Variants in EXD2 observed in about 807,000 individuals in gnomAD.
EXD2 encodes exonuclease 3'-5' domain containing 2, also known as exonuclease 3'-5' domain-containing protein 2.
A neutral mutation model predicts 62.5 loss-of-function variants in EXD2; 40 were observed. The observed-to-expected ratio is 0.64, with a 90% CI of 0.50 to 0.83. EXD2 has a LOEUF of 0.83. Among genes scored for constraint, EXD2 ranks in the 40% least tolerant of loss-of-function variants. EXD2 has a pLI of 0.00. For missense variants in EXD2, 671 were observed against 761.8 expected (o/e 0.88, Z 1.40); for synonymous variants, 239 against 291.9 (o/e 0.82, Z 1.85).
Position 69,209,776 on chromosome 14 carries a change from T to C in EXD2, c.306T>C (p.Phe102=), listed in dbSNP as rs1388277223. 3 of 1,511,944 alleles carry C rather than the reference T, an allele frequency of 2.0e-6. No homozygotes were observed. Among genetic ancestry groups the C allele is most frequent in the Non-Finnish European group, 2.7e-6 (3 of 1,127,580 alleles). The allele number at this position is 1,511,944 out of a possible 1,614,324, so 93.7% of individuals were successfully genotyped here. ...TGCTTAGAAGTGAATTAGAAGATTT[T>C]CCAGTACTTGGAATTGACTGTGAGT... ...EPLLRSELED[F]PVLGIDCEWV... The change falls in exon 3 of 10, where the codon TTT becomes TTC. Residue 102 remains phenylalanine (F), a synonymous_variant. Transcript: ENST00000685843.
In EXD2 at chr14:69,209,643, A is replaced by G; in HGVS notation, c.173A>G (p.Asp58Gly). ...LGSRELPPPE[D>G]DQLHSSAPRS... ...AGTAGAGAGCTGCCCCCTCCAGAAG[A>G]TGATCAGCTGCACTCCAGTGCCCCC... The change falls in exon 3 of 10, where the codon GAT becomes GGT. Residue 58 changes from aspartate (D) to glycine (G), a missense_variant. Transcript: ENST00000685843. The G allele has an allele frequency of 1.9e-6, 3 of 1,550,538 alleles. No individual in the cohort carries two copies. Among genetic ancestry groups the G allele is most frequent in the Non-Finnish European group, 2.6e-6 (3 of 1,146,986 alleles).
At chr14:69,205,080 T>G (rs2042543377) in intron 2 of EXD2, among the ~76,000 whole-genome samples, 1 of 152,238 alleles carries the variant, frequency 6.6e-6, no homozygotes, top group Non-Finnish European at 1.5e-5. Flanking sequence ...GTGAATAGAT[T>G]TAATTTATCC....
intron 8 of EXD2, among the ~76,000 whole-genome samples, chr14:69,236,899 C>CA (rs1352267414): frequency 2.0e-5 from 3 of 152,194 alleles, no homozygotes; most frequent in African/African-American, 7.2e-5. Flanking sequence ...TGGTTTTATT[C>CA]ATGGAGTATC....
At chr14:69,212,492 G>C (rs2042841217) in intron 3 of EXD2, among the ~76,000 whole-genome samples, 1 of 151,156 alleles carries the variant, frequency 6.6e-6, no homozygotes, top group African/African-American at 2.4e-5. Flanking sequence ...ATGTTTATTC[G>C]ATTATTATTT....
rs1299694957 is a variant in EXD2, at chr14:69,241,808, A to T, written c.*708A>T. The T allele has an allele frequency of 7.5e-6, 3 of 398,920 alleles. No individual in the cohort carries two copies. The highest frequency in any genetic ancestry group is 1.3e-5 in the Non-Finnish European group (3 of 226,070). 24.7% of individuals were successfully genotyped at this position (398,920 alleles called of 1,614,324 possible). A position where few individuals can be genotyped will look rare whatever the true frequency, so the allele number is the denominator to read the frequency against. On this transcript the variant is annotated 3_prime_UTR_variant, in exon 10 of 10. Coordinates refer to ENST00000685843, the MANE Select transcript of EXD2 (RefSeq NM_001193360.2). ...ACCTGGGTGGGGCAGAAAGAACCACAAACTCCATCTCCCAATAGAACTTTG... is the reference window on the plus strand; with the variant it reads ...ACCTGGGTGGGGCAGAAAGAACCACTAACTCCATCTCCCAATAGAACTTTG...
intron 1 of EXD2, among the ~76,000 whole-genome samples, chr14:69,201,079 A>T (rs1473503965): frequency 6.6e-6 from 1 of 152,134 alleles, no homozygotes; most frequent in African/African-American, 2.4e-5. Flanking sequence ...CATCTCAAAA[A>T]AAAAAAATCA....
rs1399666697 is a variant in EXD2, at chr14:69,228,856, A to C, written c.374A>C (p.Gln125Pro). ...AAAGCCAGCCCTCTGTCACTTCTAC[A>C]AATGGCCTCCCCAAGTGGCCTGTGT... is the stretch of plus-strand genomic sequence containing the variant. Reference protein sequence around the residue: ...EGKASPLSLLQMASPSGLCVL... With the variant: ...EGKASPLSLLPMASPSGLCVL... The change falls in exon 4 of 10, where the codon CAA becomes CCA. Residue 125 changes from glutamine to proline, a missense_variant. Transcript: ENST00000685843. The C allele has an allele frequency of 6.2e-7, 1 of 1,614,026 alleles. No individual in the cohort carries two copies. The highest frequency in any genetic ancestry group is 1.1e-5 in the South Asian group (1 of 91,058).
intron 3 of EXD2, among the ~76,000 whole-genome samples, chr14:69,225,723 A>T (rs1208008257): frequency 1.3e-5 from 2 of 152,212 alleles, no homozygotes; most frequent in African/African-American, 4.8e-5. Context: ...ATGAGTAGTG[A>T]TGTCAGGGCA....
In EXD2 at chr14:69,240,872, A is replaced by T. The variant is rs1328839409; in HGVS notation, c.1650-12A>T. 6.2e-7 allele frequency: 1 copy of T among 1,609,114 alleles called. No homozygotes were observed. Among genetic ancestry groups the T allele is most frequent in the East Asian group, 2.2e-5 (1 of 44,730 alleles). ...GTTTCCCTCAGACACTTTGTTTTTC[A>T]TGTTTTGGCAGAATCTCCAATGAAA... On this transcript the variant is annotated splice_polypyrimidine_tract_variant and intron_variant, in intron 9 of 9. Transcript: ENST00000685843.
chr14:69,219,546 G>C (rs1181386255), intron 3 of EXD2, among the ~76,000 whole-genome samples: 1 of 152,126 alleles, frequency 6.6e-6, no homozygotes, highest in Non-Finnish European at 1.5e-5. Context: ...TTGAGTTTTT[G>C]AATCTAAGTG....
intron 5 of EXD2, among the ~76,000 whole-genome samples, 169 bp from the exon 6 acceptor site, chr14:69,234,531 A>C (rs2043700247): frequency 6.6e-6 from 1 of 152,230 alleles, no homozygotes; most frequent in Admixed American, 6.5e-5. Flanking sequence ...ACTTTTGTGT[A>C]GTTTGAAAAT....
At chr14:69,195,456 C>T (rs2042173541) in intron 1 of EXD2, among the ~76,000 whole-genome samples, 2 of 152,146 alleles carry the variant, frequency 1.3e-5, no homozygotes, top group Admixed American at 1.3e-4. Flanking sequence ...CTTGGCCTTC[C>T]AAAATGCTGG....
rs1320729506 is a variant in EXD2, at chr14:69,226,081, A to G, written c.334-2735A>G. Among the ~76,000 whole-genome samples the G allele has an allele frequency of 2.6e-5, 4 of 152,376 alleles. No homozygotes were observed. In the East Asian group the frequency reaches 7.7e-4, roughly 29 times the overall value. Reference sequence around the variant, plus strand: ...CAATGAGACCTGACTGTAAAGAGGTACAAATATTGAACCTTAGGAATTTGT... The same window carrying G: ...CAATGAGACCTGACTGTAAAGAGGTGCAAATATTGAACCTTAGGAATTTGT... On this transcript the variant is annotated intron_variant, in intron 3 of 9. Coordinates refer to ENST00000685843, the MANE Select transcript of EXD2 (RefSeq NM_001193360.2).
chr14:69,225,090 C>G (rs1276245161), intron 3 of EXD2, among the ~76,000 whole-genome samples: 1 of 152,236 alleles, frequency 6.6e-6, no homozygotes, highest in Non-Finnish European at 1.5e-5. Flanking sequence ...TTTCATCCTA[C>G]TCTTATCGGC....
Position 69,236,142 on chromosome 14 carries a change from A to C in EXD2, c.1146A>C (p.Lys382Asn), listed in dbSNP as rs2043776125. ...GAAAAGCTCAGTGGTACCTGGACAA[A>C]GGCATTGGTGGTATGAGATTCAGCT... ...DRRKAQWYLD[K>N]GIGELVSEEP... is the part of the protein sequence containing the mutation. Residue 382 changes from lysine to asparagine, a missense_variant, in exon 7 of 10, where the codon AAA (lysine) becomes AAC (asparagine). Coordinates refer to ENST00000685843, the MANE Select transcript of EXD2 (RefSeq NM_001193360.2). The C allele has an allele frequency of 6.2e-7, 1 of 1,613,462 alleles. No individual in the cohort carries two copies. Among genetic ancestry groups the C allele is most frequent in the African/African-American group, 1.3e-5 (1 of 74,910 alleles).
chr14:69,243,079 AG>A lies in EXD2; in HGVS notation c.*1981del, dbSNP rs1170138693. On this transcript the variant is annotated 3_prime_UTR_variant, in exon 10 of 10. Coordinates refer to ENST00000685843, the MANE Select transcript of EXD2 (RefSeq NM_001193360.2). ...TAAAATAGAGCCAGCAGCAAAGTAG[AG>A]GAAAAAGCCAGACTGCGTCACACAA... The A allele has an allele frequency of 6.6e-6, 1 of 152,198 alleles. No homozygotes were observed. Among genetic ancestry groups the A allele is most frequent in the Non-Finnish European group, 1.5e-5 (1 of 68,044 alleles). The allele number at this position is 152,198 out of a possible 1,614,324, so 9.4% of individuals were successfully genotyped here.
chr14:69,223,516 G>T (rs2043258383), intron 3 of EXD2, among the ~76,000 whole-genome samples: 1 of 152,136 alleles, frequency 6.6e-6, no homozygotes, highest in African/African-American at 2.4e-5. Context: ...CAAATCCAAA[G>T]AAGTGGTTAT....
rs192923425 is a variant in EXD2, at chr14:69,211,471, T to C, written c.333+1668T>C. On this transcript the variant is annotated intron_variant, in intron 3 of 9. Transcript: ENST00000685843. ...TCCACAAAATCAGTTCACAGGTTGA[T>C]AGAAGAGGCTACTAGATGCCAACAC... Among the ~76,000 whole-genome samples the C allele has an allele frequency of 1.6e-4, 24 of 148,948 alleles. No homozygotes were observed. The East Asian group carries it at 4.1e-3, about 26-fold the overall frequency.
At chr14:69,209,201 G>C (rs140478106) in intron 2 of EXD2, 4 of 272,286 alleles carry the variant, frequency 1.5e-5, no homozygotes, top group African/African-American at 8.8e-5. Flanking sequence ...AACTGTCAGA[G>C]GGCAGGGAGA....
Sources: allele counts gnomAD v4.1 joint callset (sites outside exome capture counted in the v4.1 genomes callset), GRCh38; gene constraint gnomAD v4.1.1; transcripts MANE v1.5; gene names NCBI Gene and HGNC (gene_info 2026-07-23, HGNC 2026-07-21).